Variants in PITPNC1 observed in about 807,000 individuals in gnomAD.
PITPNC1 encodes the protein phosphatidylinositol transfer protein cytoplasmic 1.
PITPNC1 carries 18 observed loss-of-function variants against 44.7 expected under a neutral mutation model. That is an observed-to-expected ratio of 0.40 (90% confidence interval 0.28 to 0.60). The LOEUF (loss-of-function observed/expected upper bound fraction) is 0.60, where lower values mean the gene tolerates loss of function less well. Among genes scored for constraint, PITPNC1 ranks in the 20% least tolerant of loss-of-function variants. PITPNC1 has a pLI of 0.39. For missense variants in PITPNC1, 290 were observed against 418.4 expected, an observed-to-expected ratio of 0.69 and a Z score of 2.68; for synonymous variants, 141 against 149.6, an observed-to-expected ratio of 0.94 and a Z score of 0.42.
At chr17:67,558,285 G>C (rs751755056) in intron 4 of PITPNC1, among the ~76,000 whole-genome samples, 6 of 151,042 alleles carry the variant, frequency 4.0e-5, no homozygotes, top group Non-Finnish European at 7.4e-5. Flanking sequence ...CTTGCTTATG[G>C]GAAAAAAAAA....
chr17:67,504,799 T>G (rs1164317508), intron 1 of PITPNC1, among the ~76,000 whole-genome samples: 1 of 152,268 alleles, frequency 6.6e-6, no homozygotes, highest in African/African-American at 2.4e-5. Context: ...TTGCTTTTTT[T>G]GTTCCGCTGT....
At chr17:67,421,455 G>T (rs1304424748) in intron 1 of PITPNC1, among the ~76,000 whole-genome samples, 2 of 151,962 alleles carry the variant, frequency 1.3e-5, no homozygotes, top group Admixed American at 1.3e-4. Context: ...GCTAATTTGT[G>T]TATTTTTACT....
intron 5 of PITPNC1, among the ~76,000 whole-genome samples, chr17:67,610,457 T>G (rs1300348974): frequency 1.3e-5 from 2 of 152,194 alleles, no homozygotes; most frequent in Non-Finnish European, 2.9e-5. Context: ...ACTTAGTAAA[T>G]GGGCTTCATC....
At chr17:67,451,718 A>G (rs747150146) in intron 1 of PITPNC1, among the ~76,000 whole-genome samples, 63 of 150,680 alleles carry the variant, frequency 4.2e-4, no homozygotes, top group Admixed American at 6.6e-4. Flanking sequence ...GGCTCACTGC[A>G]ATCTCCGCCT....
intron 7 of PITPNC1, among the ~76,000 whole-genome samples, chr17:67,669,997 C>T (rs1381683835): frequency 1.3e-5 from 2 of 151,682 alleles, no homozygotes; most frequent in Non-Finnish European, 2.9e-5. Context: ...TACTTGAACC[C>T]GGGAGGCAGA....
At chr17:67,639,020 AG>A (rs1449801001) in intron 6 of PITPNC1, 1 of 152,232 alleles carries the variant, frequency 6.6e-6, no homozygotes, top group Non-Finnish European at 1.5e-5. Flanking sequence ...CTACTCAGGA[AG>A]CTGAGATGAG....
At chr17:67,424,982 T>C (rs2143874920) in intron 1 of PITPNC1, among the ~76,000 whole-genome samples, 1 of 152,148 alleles carries the variant, frequency 6.6e-6, no homozygotes, top group East Asian at 1.9e-4. Flanking sequence ...CTTTGTAATC[T>C]TCCCCACCCT....
intron 6 of PITPNC1, among the ~76,000 whole-genome samples, chr17:67,650,325 G>A (rs2042195519): frequency 6.6e-6 from 1 of 151,380 alleles, no homozygotes; most frequent in Non-Finnish European, 1.5e-5. Flanking sequence ...CTCCTAGGGT[G>A]ATTTTTCCCA....
intron 1 of PITPNC1, among the ~76,000 whole-genome samples, chr17:67,481,059 T>C (rs1289997819): frequency 6.6e-6 from 1 of 152,026 alleles, no homozygotes; most frequent in Non-Finnish European, 1.5e-5. Flanking sequence ...ATACAAAAAT[T>C]AGCTGGGCGC....
At position 67,420,125 on chromosome 17, in the gene PITPNC1, G is replaced by T. The variant is rs2038649893; in HGVS notation, c.48+41923G>T. ...GCTTTTCAGAGTGAAGCTAAAAAAG[G>T]CACTCTGTGGAAGAGAATATATTTT... On this transcript the variant is annotated intron_variant, in intron 1 of 8. Transcript: ENST00000581322. Among the ~76,000 whole-genome samples, 3 of 152,254 alleles carry T rather than the reference G, an allele frequency of 2.0e-5. No homozygotes were observed. The South Asian group carries it at 6.2e-4, about 32-fold the overall frequency.
intron 1 of PITPNC1, among the ~76,000 whole-genome samples, chr17:67,468,830 G>A (rs2039470877): frequency 6.6e-6 from 1 of 152,024 alleles, no homozygotes; most frequent in African/African-American, 2.4e-5. Flanking sequence ...CCAGGTTCAA[G>A]CGATTCTCCT....
chr17:67,422,034 C>A (rs935093380), intron 1 of PITPNC1, among the ~76,000 whole-genome samples: 1 of 152,132 alleles, frequency 6.6e-6, no homozygotes, highest in African/African-American at 2.4e-5. Flanking sequence ...AATCTGTGAA[C>A]CCTTAGAACT....
intron 2 of PITPNC1, among the ~76,000 whole-genome samples, chr17:67,551,620 A>G (rs2144166380): frequency 6.6e-6 from 1 of 152,338 alleles, no homozygotes; most frequent in South Asian, 2.1e-4. Flanking sequence ...CCCTAAATCC[A>G]GGATGATTTC....
chr17:67,482,717 G>A (rs1363887535), intron 1 of PITPNC1, among the ~76,000 whole-genome samples: 4 of 152,094 alleles, frequency 2.6e-5, no homozygotes, highest in East Asian at 1.9e-4. Context: ...ATCTGGTTTC[G>A]GAAGCCCCAT....
chr17:67,426,529 G>C (rs1472612701), intron 1 of PITPNC1, among the ~76,000 whole-genome samples: 4 of 151,362 alleles, frequency 2.6e-5, no homozygotes, highest in Non-Finnish European at 2.9e-5. Context: ...AACACCACGT[G>C]TTCTCACTCA....
intron 5 of PITPNC1, among the ~76,000 whole-genome samples, chr17:67,622,270 A>G (rs984967388): frequency 4.6e-5 from 7 of 151,018 alleles, no homozygotes; most frequent in African/African-American, 1.7e-4. Flanking sequence ...AAAAAAAAAA[A>G]AAAGAAAAGA....
At chr17:67,687,489 G>A (rs554973568) in intron 8 of PITPNC1, among the ~76,000 whole-genome samples, 2 of 152,200 alleles carry the variant, frequency 1.3e-5, no homozygotes, top group Non-Finnish European at 2.9e-5. Context: ...GCAGAGGAGT[G>A]AAAATCGATG....
intron 1 of PITPNC1, chr17:67,471,415 T>G: frequency 3.0e-6 from 1 of 333,050 alleles, no homozygotes; most frequent in Non-Finnish European, 5.7e-6. Context: ...AAAGTTGCAA[T>G]GAACATTCAC....
At chr17:67,390,455 T>C (rs1374382768) in intron 1 of PITPNC1, among the ~76,000 whole-genome samples, 1 of 152,184 alleles carries the variant, frequency 6.6e-6, no homozygotes, top group East Asian at 1.9e-4. Context: ...TGGCTCCAGG[T>C]GCATATCTCT....
Sources: allele counts gnomAD v4.1 joint callset (sites outside exome capture counted in the v4.1 genomes callset), GRCh38; gene constraint gnomAD v4.1.1; transcripts MANE v1.5; gene names NCBI Gene and HGNC (gene_info 2026-07-23, HGNC 2026-07-21).